The following PLCE1 variants were observed in gnomAD, a reference collection of about 807,000 sequenced individuals.
PLCE1 encodes the protein phospholipase C epsilon 1.
Under a neutral mutation model 242.8 loss-of-function variants are expected in PLCE1, and 119 were observed. That is an observed-to-expected ratio of 0.49 (90% CI 0.42 to 0.57). The LOEUF is 0.57. Ranked by LOEUF, PLCE1 falls within the 20% of genes least tolerant of loss-of-function variation. The pLI is 0.00. For synonymous variants in PLCE1, 945 were observed against 1,017.4 expected (o/e 0.93, Z 1.35); for missense variants, 2,441 against 2,788.8 (o/e 0.88, Z 2.81).
intron 2 of PLCE1, among the ~76,000 whole-genome samples, chr10:94,124,078 C>A (rs966018462): frequency 6.6e-6 from 1 of 152,070 alleles, no homozygotes; most frequent in African/African-American, 2.4e-5. Flanking sequence ...TTTAATTATA[C>A]CCTCCATCTG....
rs773553954 is a variant in PLCE1 at position 94,252,326 on chromosome 10, G to A, written c.3107G>A (p.Arg1036Gln). The A allele has an allele frequency of 9.3e-6, 15 of 1,613,876 alleles. No homozygotes were observed. The highest frequency in any genetic ancestry group is 5.3e-5 in the African/African-American group (4 of 74,882). Residue 1036 changes from arginine (R) to glutamine (Q), a missense_variant, in exon 9 of 33, where the codon CGG (arginine) becomes CAG (glutamine). Coordinates refer to ENST00000371380, the MANE Select transcript of PLCE1 (RefSeq NM_016341.4). ...QYVSLYQEDG[R>Q]YEGPTLAHAV... is the part of the protein sequence containing the mutation. ...GTGGCTCTTTCACAGGAGGATGGAC[G>A]GTATGAAGGCCCAACTTTGGCTCAC... is the stretch of plus-strand genomic sequence containing the variant.
chr10:94,216,288 G>C (rs1302450560), intron 4 of PLCE1, among the ~76,000 whole-genome samples: 1 of 152,116 alleles, frequency 6.6e-6, no homozygotes, highest in Non-Finnish European at 1.5e-5. Context: ...GAGAGGTAAA[G>C]GAGCACTCCT....
rs374015663 is a variant in PLCE1 at position 94,234,120 on chromosome 10, G to A, written c.2022G>A (p.Leu674=). ...DQSDIETMRS[L]KDAMAQHESS... Reference sequence around the variant, plus strand: ...CTGATATTGAGACCATGAGGAGCCTGAAGGATGCTATGGCCCAGCATGAGT... The same window carrying A: ...CTGATATTGAGACCATGAGGAGCCTAAAGGATGCTATGGCCCAGCATGAGT... Residue 674 remains leucine, a synonymous_variant, in exon 6 of 33, where the codon CTG becomes CTA. Transcript: ENST00000371380. 1.9e-6 allele frequency: 3 copies of A among 1,613,934 alleles called. No individual in the cohort carries two copies. Among genetic ancestry groups the A allele is most frequent in the Non-Finnish European group, 2.5e-6 (3 of 1,179,880 alleles).
intron 32 of PLCE1, chr10:94,325,497 AG>A (rs1397794740): frequency 1.5e-5 from 3 of 196,466 alleles, no homozygotes; most frequent in African/African-American, 7.1e-5. Context: ...GGGGAGGCTG[AG>A]GCAGGAGAAT....
In PLCE1 at chr10:94,252,344, T is replaced by C; in HGVS notation, c.3125T>C (p.Leu1042Ser). Residue 1042 changes from leucine (L) to serine (S), a missense_variant, in exon 9 of 33, where the codon TTG (leucine) becomes TCG (serine). Around this residue, in one of 5 missense-constraint regions of PLCE1, gnomAD observed 1,004 missense variants for 1,322.7 expected, o/e 0.76. Coordinates refer to ENST00000371380, the MANE Select transcript of PLCE1 (RefSeq NM_016341.4). ...GATGGACGGTATGAAGGCCCAACTT[T>C]GGCTCACGCTGTGGAGTTGTTTGGT... ...QEDGRYEGPT[L>S]AHAVELFGGR... The C allele has an allele frequency of 6.2e-7, 1 of 1,614,102 alleles. No individual in the cohort carries two copies. The highest frequency in any genetic ancestry group is 8.5e-7 in the Non-Finnish European group (1 of 1,179,984).
At chr10:94,226,831 C>CTTTTTTT (rs1177112312) in intron 4 of PLCE1, among the ~76,000 whole-genome samples, 2 of 101,816 alleles carry the variant, frequency 2.0e-5, no homozygotes, top group African/African-American at 3.9e-5. Flanking sequence ...ACCTATAGGT[C>CTTTTTTT]TTTTTTTTTT....
At chr10:94,153,293 A>T (rs1590135408) in intron 3 of PLCE1, among the ~76,000 whole-genome samples, 1 of 152,208 alleles carries the variant, frequency 6.6e-6, no homozygotes, top group Admixed American at 6.5e-5. Flanking sequence ...GCAATATATC[A>T]TATGAATAGA....
chr10:94,242,882 A>G (rs1373962406), intron 7 of PLCE1, among the ~76,000 whole-genome samples: 1 of 152,212 alleles, frequency 6.6e-6, no homozygotes, highest in Non-Finnish European at 1.5e-5. Flanking sequence ...ATGAGCTCAT[A>G]CTGATACAAG....
intron 4 of PLCE1, among the ~76,000 whole-genome samples, chr10:94,181,941 A>T (rs916653764): frequency 1.3e-5 from 2 of 152,214 alleles, no homozygotes; most frequent in African/African-American, 4.8e-5. Flanking sequence ...ACAAAAAGGA[A>T]AAAACATAAC....
intron 22 of PLCE1, among the ~76,000 whole-genome samples, chr10:94,291,184 T>G (rs1402759782): frequency 6.6e-6 from 1 of 152,166 alleles, no homozygotes; most frequent in African/African-American, 2.4e-5. Flanking sequence ...AGACAGAGTC[T>G]TGCTAAGTTG....
chr10:94,326,672 GC>G (rs924607965), intron 32 of PLCE1, among the ~76,000 whole-genome samples: 1 of 152,150 alleles, frequency 6.6e-6, no homozygotes, highest in African/African-American at 2.4e-5. Flanking sequence ...AATGAACATT[GC>G]TAATTGCTTA....
At chr10:94,011,476 G>A (rs1287200408) in intron 1 of PLCE1, among the ~76,000 whole-genome samples, 1 of 152,050 alleles carries the variant, frequency 6.6e-6, no homozygotes, top group Non-Finnish European at 1.5e-5. Flanking sequence ...CTTATGACAG[G>A]GAAGCCACTT....
intron 1 of PLCE1, among the ~76,000 whole-genome samples, chr10:93,999,973 C>A (rs1269680417): frequency 2.6e-5 from 4 of 152,218 alleles, no homozygotes; most frequent in African/African-American, 7.2e-5. Context: ...TTTTGTCTCT[C>A]AAGCACATAA....
At chr10:94,206,379 A>T (rs1169949848) in intron 4 of PLCE1, among the ~76,000 whole-genome samples, 1 of 152,188 alleles carries the variant, frequency 6.6e-6, no homozygotes, top group South Asian at 2.1e-4. Context: ...AGAGGACCCA[A>T]TCTGTAGAGC....
intron 2 of PLCE1, among the ~76,000 whole-genome samples, chr10:94,055,605 A>G (rs2043882920): frequency 6.6e-6 from 1 of 152,206 alleles, no homozygotes; most frequent in South Asian, 2.1e-4. Flanking sequence ...GGAGTGAATC[A>G]CGGTGCCTAG....
chr10:94,227,920 A>G (rs577096181), intron 5 of PLCE1, among the ~76,000 whole-genome samples: 6 of 152,348 alleles, frequency 3.9e-5, no homozygotes, highest in South Asian at 2.1e-4. Flanking sequence ...AACAAACACT[A>G]TATGTCAAGT....
Position 94,124,293 on chromosome 10 carries a change from A to T in PLCE1, c.1207-7881A>T, listed in dbSNP as rs553374201. On this transcript the variant is annotated intron_variant, in intron 2 of 32. Coordinates refer to ENST00000371380, the MANE Select transcript of PLCE1 (RefSeq NM_016341.4). The stretch of plus-strand genomic sequence containing the variant: ...CTCAGGAGGCTGAGGTGGGAAGATC[A>T]CTTGAGCCCAAGAGGTCAAGGCTGC... 4.6e-4 allele frequency among the ~76,000 whole-genome samples: 69 copies of T among 151,640 alleles called. 1 individual carries two copies. Among genetic ancestry groups the T allele is most frequent in the Non-Finnish European group, 8.1e-4 (55 of 67,904 alleles).
intron 4 of PLCE1, among the ~76,000 whole-genome samples, chr10:94,185,553 C>T (rs1395875999): frequency 6.6e-6 from 1 of 152,092 alleles, no homozygotes; most frequent in Non-Finnish European, 1.5e-5. Context: ...ACTGTGGGAC[C>T]CTGGGCAAGT....
intron 21 of PLCE1, among the ~76,000 whole-genome samples, chr10:94,284,582 A>G (rs2052369361): frequency 6.6e-6 from 1 of 152,220 alleles, no homozygotes; most frequent in African/African-American, 2.4e-5. Context: ...TCAATCCTCT[A>G]TTTATTTAAC....
Sources: allele counts gnomAD v4.1 joint callset (sites outside exome capture counted in the v4.1 genomes callset), GRCh38; gene constraint gnomAD v4.1.1; regional missense constraint gnomAD v4.1.1; transcripts MANE v1.5; gene names NCBI Gene and HGNC (gene_info 2026-07-23, HGNC 2026-07-21).